The following NEK4 variants were observed in gnomAD, a reference collection of about 807,000 sequenced individuals.
NEK4 encodes the protein NIMA related kinase 4.
In NEK4, 86 loss-of-function variants were observed where a neutral mutation model predicts 98.4. The observed-to-expected ratio is 0.87, with a 90% CI of 0.73 to 1.05. NEK4 has a LOEUF of 1.05. Ranked by LOEUF, NEK4 falls within the 50% of genes least tolerant of loss-of-function variation. The pLI, the probability that NEK4 is intolerant of heterozygous loss-of-function variation, is 0.00. For missense variants in NEK4, 898 were observed against 950.3 expected, an observed-to-expected ratio of 0.94 and a Z score of 0.72; for synonymous variants, 328 against 342.2, an observed-to-expected ratio of 0.96 and a Z score of 0.46.
intron 6 of NEK4, chr3:52,754,098 G>C: frequency 4.0e-6 from 1 of 248,650 alleles, no homozygotes; most frequent in South Asian, 5.0e-5. Flanking sequence ...GGAGGCAGAG[G>C]TTGCGGTGAG....
At chr3:52,751,336 G>A (rs1192815642) in intron 7 of NEK4, among the ~76,000 whole-genome samples, 1 of 151,946 alleles carries the variant, frequency 6.6e-6, no homozygotes, top group Non-Finnish European at 1.5e-5. Flanking sequence ...GGTGCTTGTA[G>A]TCCCAGCTAC....
chr3:52,757,659 A>C (rs1010744230), intron 6 of NEK4, among the ~76,000 whole-genome samples: 5 of 152,216 alleles, frequency 3.3e-5, no homozygotes, highest in African/African-American at 9.6e-5. Context: ...GGTGGAAACA[A>C]CACAAATGTA....
At chr3:52,745,040 C>T (rs1042784680) in intron 10 of NEK4, among the ~76,000 whole-genome samples, 4 of 151,884 alleles carry the variant, frequency 2.6e-5, no homozygotes, top group Non-Finnish European at 5.9e-5. Context: ...CTCAGCCTCT[C>T]GAATAGCTGG....
intron 15 of NEK4, among the ~76,000 whole-genome samples, chr3:52,735,210 CT>C (rs1298668120): frequency 1.3e-5 from 2 of 152,214 alleles, no homozygotes; most frequent in African/African-American, 4.8e-5. Flanking sequence ...TAAGATTCAT[CT>C]TTTGAAATCA....
intron 15 of NEK4, among the ~76,000 whole-genome samples, chr3:52,723,615 A>G (rs2097362008): frequency 6.6e-6 from 1 of 152,236 alleles, no homozygotes; most frequent in South Asian, 2.1e-4. Flanking sequence ...AGGACAAGAA[A>G]GAAATAGTGA....
chr3:52,737,877 G>C (rs548200551), intron 14 of NEK4, among the ~76,000 whole-genome samples, 158 bp from the exon 15 acceptor site: 6 of 151,964 alleles, frequency 3.9e-5, no homozygotes, highest in African/African-American at 1.5e-4. Flanking sequence ...GCAGTGGCAC[G>C]ATCTCAGCTC....
intron 13 of NEK4, among the ~76,000 whole-genome samples, chr3:52,740,445 G>T (rs1434622420): frequency 2.0e-5 from 3 of 152,004 alleles, no homozygotes; most frequent in Non-Finnish European, 4.4e-5. Context: ...CACTGCAGAA[G>T]AAAAGATTAA....
intron 12 of NEK4, among the ~76,000 whole-genome samples, chr3:52,742,445 C>CT (rs906058762): frequency 1.3e-5 from 2 of 152,074 alleles, no homozygotes; most frequent in African/African-American, 4.8e-5. Flanking sequence ...CCTTACAACT[C>CT]TGAGATATGG....
intron 11 of NEK4, 62 bp downstream of exon 11, chr3:52,744,177 G>A: frequency 8.4e-7 from 1 of 1,189,190 alleles, no homozygotes; most frequent in Non-Finnish European, 1.3e-6. Context: ...TAGAACCAGT[G>A]TTTCTGTCCA....
In NEK4 at chr3:52,756,469, T is replaced by C. The variant is rs1038286050; in HGVS notation, c.964-4133A>G. On this transcript the variant is annotated intron_variant, in intron 6 of 15. Transcript: ENST00000233027. ...AACTTTCACATATGTGGTCGAATGATTTTTGACAAAGATGCCAAGATCATT... is the reference window on the plus strand; with the variant it reads ...AACTTTCACATATGTGGTCGAATGACTTTTGACAAAGATGCCAAGATCATT... Among the ~76,000 whole-genome samples, 10 of 152,348 alleles carry C rather than the reference T, an allele frequency of 6.6e-5. No homozygotes were observed. The East Asian group carries it at 1.7e-3, about 26-fold the overall frequency.
intron 1 of NEK4, 40 bp from the exon 2 acceptor site, chr3:52,768,644 CG>C (rs755684616): frequency 1.0e-5 from 16 of 1,598,730 alleles, no homozygotes; most frequent in Middle Eastern, 1.7e-4. Context: ...TGCAAATAAA[CG>C]TAAGATTTGT....
At chr3:52,724,390 T>C (rs1395681278) in intron 15 of NEK4, among the ~76,000 whole-genome samples, 1 of 152,140 alleles carries the variant, frequency 6.6e-6, no homozygotes, top group African/African-American at 2.4e-5. Context: ...CAGAAAGCAG[T>C]GGGCTAATAT....
Position 52,752,143 on chromosome 3 carries a change from T to C in NEK4, c.1157A>G (p.Asn386Ser). ...DSVSDGFVQE[N>S]QPRYLDASNE... ...AGAGGCATCCAAATATCTTGGCTGA[T>C]TCTCCTGAACAAAGCCATCACTCAC... is the stretch of plus-strand genomic sequence containing the variant. The change falls in exon 7 of 16, where the codon AAT becomes AGT. Residue 386 changes from asparagine to serine, a missense_variant. Physicochemically the swap from Asn to Ser is conservative, Grantham distance 46. Coordinates refer to ENST00000233027, the MANE Select transcript of NEK4 (RefSeq NM_003157.6). 6.2e-7 allele frequency: 1 copy of C among 1,614,206 alleles called. No homozygotes were observed. The highest frequency in any genetic ancestry group is 8.5e-7 in the Non-Finnish European group (1 of 1,180,028).
At position 52,710,163 on chromosome 3, in the gene NEK4, C is replaced by A. The variant is rs1456182932; in HGVS notation, c.*1614G>T. On this transcript the variant is annotated 3_prime_UTR_variant, in exon 16 of 16. Coordinates refer to ENST00000233027, the MANE Select transcript of NEK4 (RefSeq NM_003157.6). ...AGATCACGAGGTCAGGAGATTGAGA[C>A]CATCCTGGCTAACACGGTGAAACCC... 6.6e-6 allele frequency: 1 copy of A among 151,598 alleles called. No individual in the cohort carries two copies. The highest frequency in any genetic ancestry group is 1.5e-5 in the Non-Finnish European group (1 of 67,944). The allele number at this position is 151,598 out of a possible 1,614,324, so 9.4% of individuals were successfully genotyped here.
intron 6 of NEK4, among the ~76,000 whole-genome samples, chr3:52,757,101 C>T (rs563572369): frequency 9.2e-5 from 14 of 152,170 alleles, no homozygotes; most frequent in Non-Finnish European, 1.5e-5. Flanking sequence ...CAGAAAATAA[C>T]AAGTACTGGT....
intron 5 of NEK4, among the ~76,000 whole-genome samples, chr3:52,761,382 G>A (rs1698350714): frequency 6.6e-6 from 1 of 152,130 alleles, no homozygotes; most frequent in South Asian, 2.1e-4. Flanking sequence ...AGGTTCAAGT[G>A]ATTCTTGTGC....
chr3:52,752,917 A>AATAT (rs1553616669), intron 6 of NEK4, among the ~76,000 whole-genome samples: 3 of 83,960 alleles, frequency 3.6e-5, no homozygotes, highest in African/African-American at 1.3e-4. Context: ...AAAAAAAAAA[A>AATAT]ATATATATAT....
chr3:52,717,623 T>C (rs1273567021), intron 15 of NEK4, among the ~76,000 whole-genome samples: 1 of 151,936 alleles, frequency 6.6e-6, no homozygotes, highest in Non-Finnish European at 1.5e-5. Flanking sequence ...TCCATAGCCA[T>C]GCTCACAAAC....
intron 6 of NEK4, among the ~76,000 whole-genome samples, chr3:52,754,991 G>A (rs1338551134): frequency 2.7e-5 from 4 of 150,824 alleles, no homozygotes; most frequent in East Asian, 3.9e-4. Context: ...GGAGAATGGC[G>A]TGAACCCGGG....
Sources: gnomAD v4.1 joint callset for allele counts (sites outside exome capture counted in the v4.1 genomes callset) on GRCh38, gnomAD v4.1.1 for gene constraint, MANE v1.5 for transcripts, NCBI Gene and HGNC (gene_info 2026-07-23, HGNC 2026-07-21) for gene names.